The following COL20A1 variants were observed in gnomAD, a reference collection of about 807,000 sequenced individuals.
The protein encoded by COL20A1 is collagen type XX alpha 1 chain, also known as collagen alpha-1(XX) chain.
In COL20A1, 164 loss-of-function variants were observed where a neutral mutation model predicts 152.9. The ratio of observed to expected loss-of-function variants is 1.07; its 90% CI spans 0.94 to 1.22. The LOEUF (loss-of-function observed/expected upper bound fraction) is 1.22. Among genes scored for constraint, COL20A1 ranks in the 50% most tolerant of loss-of-function variants. The probability of loss-of-function intolerance (pLI) is 0.00; values close to 1 mark genes in which losing one functional copy is unlikely to be tolerated. For missense variants in COL20A1, 1,873 were observed against 1,744.8 expected (o/e 1.07, Z -1.31); for synonymous variants, 864 against 756.0 (o/e 1.14, Z -2.34).
rs763282748 is a variant in COL20A1, at chr20:63,325,673, C to T, written c.3354C>T (p.His1118=). The change falls in exon 29 of 36, where the codon CAC becomes CAT. Residue 1118 remains histidine, a synonymous_variant. Coordinates refer to ENST00000358894, the MANE Select transcript of COL20A1 (RefSeq NM_020882.4). The part of the protein sequence containing the change: ...GDHGLPGLQG[H]PGHQGIPGRV... Reference sequence around the variant, plus strand: ...GCCCCTCTGTTCTCTCCCAGGGCCACCCCGGCCACCAGGGCATCCCCGGGA... The same window carrying T: ...GCCCCTCTGTTCTCTCCCAGGGCCATCCCGGCCACCAGGGCATCCCCGGGA... 17 of 1,609,656 alleles carry T rather than the reference C, an allele frequency of 1.1e-5. No individual in the cohort carries two copies. The highest frequency in any genetic ancestry group is 5.3e-5 in the African/African-American group (4 of 74,834).
chr20:63,307,353 G>A lies in COL20A1; in HGVS notation c.497-137G>A, dbSNP rs2067938488. The A allele has an allele frequency of 4.0e-6, 3 of 757,348 alleles. No homozygotes were observed. In the South Asian group the frequency reaches 5.4e-5, roughly 14 times the overall value. 46.9% of individuals were successfully genotyped at this position (757,348 alleles called of 1,614,324 possible). A position where few individuals can be genotyped will look rare whatever the true frequency, so the allele number is the denominator to read the frequency against. ...GGCTGTCTAGTCCGGTGAGGCCTGA[G>A]GGCCTTGGAGTCCTTTCCCCTGAAA... On this transcript the variant is annotated intron_variant, in intron 5 of 35. Transcript: ENST00000358894.
At chr20:63,327,635 G>C (rs1392103845) in intron 31 of COL20A1, 2 of 413,948 alleles carry the variant, frequency 4.8e-6, no homozygotes, top group Admixed American at 3.7e-5. Flanking sequence ...CCCGGGAGGG[G>C]TCTGTTCTCT....
At chr20:63,318,793 A>C (rs7265034) in intron 21 of COL20A1, among the ~76,000 whole-genome samples, 94,931 of 151,912 alleles carry the variant, frequency 0.62, 31,030 homozygotes, top group Non-Finnish European at 0.73. Flanking sequence ...CATGTTACTC[A>C]TGGGGAAACC....
At chr20:63,325,819 G>A in intron 29 of COL20A1, 98 bp downstream of exon 29, 1 of 1,134,798 alleles carries the variant, frequency 8.8e-7, no homozygotes, top group Non-Finnish European at 1.3e-6. Context: ...GGGAGGGGGA[G>A]GTGCTTTCTC....
Position 63,305,865 on chromosome 20 carries a change from T to G in COL20A1, c.338-16T>G. 1 of 1,612,704 alleles carries G rather than the reference T, an allele frequency of 6.2e-7. No individual in the cohort carries two copies. ...CCTCCACTCCCACCCTGATGGCTCT[T>G]TGTGTCTCCCTGCAGTTGAGGATCT... is the stretch of plus-strand genomic sequence containing the variant. On this transcript the variant is annotated splice_polypyrimidine_tract_variant and intron_variant, in intron 4 of 35. Coordinates refer to ENST00000358894, the MANE Select transcript of COL20A1 (RefSeq NM_020882.4). This position sits in a 1 kb window ranked among gnomAD's most constrained non-coding sequence, Gnocchi z 4.9.
At position 63,313,919 on chromosome 20, in the gene COL20A1, C is replaced by T; in HGVS notation, c.2358+28C>T. ...GAGTCTTGGTAGAGCCTGAGGCTGC[C>T]CCACCTCGTGGGGCCTCCTGGAAGG... On this transcript the variant is annotated intron_variant, in intron 18 of 35. Transcript: ENST00000358894. This position sits in a 1 kb window ranked among gnomAD's most constrained non-coding sequence, Gnocchi z 5.9. 6.3e-7 allele frequency: 1 copy of T among 1,584,630 alleles called. No individual in the cohort carries two copies. Among genetic ancestry groups the T allele is most frequent in the Middle Eastern group, 1.7e-4 (1 of 5,914 alleles).
intron 11 of COL20A1, among the ~76,000 whole-genome samples, chr20:63,310,893 A>G (rs544616595): frequency 2.0e-5 from 3 of 152,138 alleles, no homozygotes; most frequent in African/African-American, 7.2e-5. Context: ...TAATTTACAC[A>G]CCATACAACC....
intron 34 of COL20A1, chr20:63,329,247 G>A: frequency 3.7e-6 from 1 of 271,266 alleles, no homozygotes; most frequent in East Asian, 7.7e-5. Context: ...CAGTGGCCTG[G>A]TTGCAGCCTG....
chr20:63,302,581 A>G (rs1338437077), intron 3 of COL20A1, among the ~76,000 whole-genome samples: 1 of 152,162 alleles, frequency 6.6e-6, no homozygotes, highest in African/African-American at 2.4e-5. Context: ...TCGGCCTCCC[A>G]AAGTGCTGGG....
In COL20A1 at chr20:63,334,211, C is replaced by T. The variant is rs2068366670; in HGVS notation, c.*3495C>T. 1 of 152,144 alleles carries T rather than the reference C, an allele frequency of 6.6e-6. No homozygotes were observed. The highest frequency in any genetic ancestry group is 2.1e-4 in the South Asian group (1 of 4,814). The allele number at this position is 152,144 out of a possible 1,614,324, so 9.4% of individuals were successfully genotyped here. A position where few individuals can be genotyped will look rare whatever the true frequency, so the allele number is the denominator to read the frequency against. On this transcript the variant is annotated 3_prime_UTR_variant, in exon 36 of 36. Transcript: ENST00000358894. ...TCACTGATGAAACTGGAAAAACAAC[C>T]AATGATAACAAGCTAAAGAATGCCT...
chr20:63,316,607 G>A lies in COL20A1; in HGVS notation c.2579G>A (p.Arg860Gln), dbSNP rs766449431. 29 of 1,584,374 alleles carry A rather than the reference G, an allele frequency of 1.8e-5. No homozygotes were observed. Among genetic ancestry groups the A allele is most frequent in the South Asian group, 2.3e-5 (2 of 86,714 alleles). The change falls in exon 21 of 36, where the codon CGG (arginine) becomes CAG (glutamine). Residue 860 changes from arginine (R) to glutamine (Q), a missense_variant. Arg to Gln is a conservative substitution (Grantham distance 43). Transcript: ENST00000358894. ...SLVEKAYASI[R>Q]GVAMEPSAFG... ...GTGGAAAAGGCTTATGCGTCCATCCGGGGCGTGGCCATGGAGCCCTCTGCC... is the reference window on the plus strand; with the variant it reads ...GTGGAAAAGGCTTATGCGTCCATCCAGGGCGTGGCCATGGAGCCCTCTGCC...
chr20:63,305,768 G>C lies in COL20A1; in HGVS notation c.338-113G>C. On this transcript the variant is annotated intron_variant, in intron 4 of 35. Transcript: ENST00000358894. The surrounding 1 kb of genome is among the most constrained non-coding windows in gnomAD (Gnocchi z 4.9). ...CCTGACATCTTTGCATGCCTCCCAG[G>C]CTCCTGGGCCCTCAGCACCCACAGA... is the stretch of plus-strand genomic sequence containing the variant. The C allele has an allele frequency of 8.2e-7, 1 of 1,217,100 alleles. No homozygotes were observed. The highest frequency in any genetic ancestry group is 1.4e-5 in the South Asian group (1 of 72,248). The allele number at this position is 1,217,100 out of a possible 1,614,324, so 75.4% of individuals were successfully genotyped here. A position where few individuals can be genotyped will look rare whatever the true frequency, so the allele number is the denominator to read the frequency against.
intron 31 of COL20A1, 92 bp from the exon 32 acceptor site, chr20:63,327,860 G>A (rs2068274489): frequency 7.6e-7 from 1 of 1,316,718 alleles, no homozygotes; most frequent in South Asian, 1.3e-5. Flanking sequence ...CAGGCTGCCT[G>A]AGTGAGGATC....
intron 34 of COL20A1, chr20:63,329,384 G>T: frequency 3.4e-6 from 2 of 587,510 alleles, no homozygotes; most frequent in Non-Finnish European, 6.1e-6. Context: ...TGCCCCCCCA[G>T]AACTGTCATG....
intron 35 of COL20A1, 145 bp downstream of exon 35, chr20:63,329,806 C>T (rs776328525): frequency 3.2e-6 from 2 of 623,230 alleles, no homozygotes; most frequent in Non-Finnish European, 5.5e-6. Flanking sequence ...GCGAGGTGGC[C>T]CTGGGGAAAG....
At chr20:63,296,431 A>T (rs984894835) in intron 2 of COL20A1, among the ~76,000 whole-genome samples, 1 of 152,282 alleles carries the variant, frequency 6.6e-6, no homozygotes, top group Non-Finnish European at 1.5e-5. Flanking sequence ...CCCTGAGGAC[A>T]GCCAGGTGGG....
Position 63,305,069 on chromosome 20 carries a change from T to C in COL20A1, c.194-348T>C, listed in dbSNP as rs1242831721. 6.6e-6 allele frequency among the ~76,000 whole-genome samples: 1 copy of C among 152,194 alleles called. No homozygotes were observed. The highest frequency in any genetic ancestry group is 2.4e-5 in the African/African-American group (1 of 41,438). On this transcript the variant is annotated intron_variant, in intron 3 of 35. Transcript: ENST00000358894. This position sits in a 1 kb window ranked among gnomAD's most constrained non-coding sequence, Gnocchi z 4.9. The stretch of plus-strand genomic sequence containing the variant: ...GGCCCTGGCCCCGGACTCTTCCTTC[T>C]TGGACCTGGCCCCTCGGGTCGTCAT...
chr20:63,307,844 G>A, intron 6 of COL20A1, 127 bp from the exon 7 acceptor site: 1 of 1,272,100 alleles, frequency 7.9e-7, no homozygotes, highest in Non-Finnish European at 1.1e-6. Context: ...CCTCTCCCTG[G>A]GGACTGGCTA....
chr20:63,325,427 T>C lies in COL20A1; in HGVS notation c.3295-14T>C, dbSNP rs1264135504. 2 of 1,607,786 alleles carry C rather than the reference T, an allele frequency of 1.2e-6. No individual in the cohort carries two copies. The highest frequency in any genetic ancestry group is 4.5e-5 in the East Asian group (2 of 44,840). On this transcript the variant is annotated splice_polypyrimidine_tract_variant and intron_variant, in intron 27 of 35. Transcript: ENST00000358894. Reference sequence around the variant, plus strand: ...CCCCTCCGCTTCGCTGTCCAGCCCATCTTCCCCCTCCAGGGTCCACCAGGG... The same window carrying C: ...CCCCTCCGCTTCGCTGTCCAGCCCACCTTCCCCCTCCAGGGTCCACCAGGG...
Sources: allele counts gnomAD v4.1 joint callset (sites outside exome capture counted in the v4.1 genomes callset), GRCh38; gene constraint gnomAD v4.1.1; non-coding constraint Gnocchi (gnomAD v3.1); transcripts MANE v1.5; gene names NCBI Gene and HGNC (gene_info 2026-07-23, HGNC 2026-07-21).